Variants in C12orf75 observed in about 807,000 individuals in gnomAD.
The protein encoded by C12orf75 is overexpressed in colon carcinoma 1 protein.
C12orf75 carries 4 observed loss-of-function variants against 11.4 expected under a neutral mutation model. The observed-to-expected ratio is 0.35, with a 90% CI of 0.17 to 0.80. The LOEUF (loss-of-function observed/expected upper bound fraction) is 0.80. Among genes scored for constraint, C12orf75 ranks in the 30% least tolerant of loss-of-function variants. The pLI, the probability that C12orf75 is intolerant of heterozygous loss-of-function variation, is 0.52. For missense variants in C12orf75, 89 were observed against 80.4 expected (o/e 1.11, Z -0.41); for synonymous variants, 30 against 30.0 (o/e 1.00, Z 0.00).
intron 5 of C12orf75, among the ~76,000 whole-genome samples, chr12:105,367,814 T>C (rs956893450): frequency 6.6e-6 from 1 of 152,160 alleles, no homozygotes; most frequent in Non-Finnish European, 1.5e-5. Context: ...TTTGAGGGCC[T>C]AGGACTTGAG....
chr12:105,348,738 C>T, intron 2 of C12orf75, 112 bp downstream of exon 2: 3 of 650,114 alleles, frequency 4.6e-6, no homozygotes, highest in Non-Finnish European at 7.7e-6. Context: ...CATGGAAATA[C>T]TTTGTGTATA....
chr12:105,354,650 G>A (rs1025215461), intron 2 of C12orf75, among the ~76,000 whole-genome samples: 15 of 152,210 alleles, frequency 9.9e-5, no homozygotes, highest in Non-Finnish European at 2.1e-4. Context: ...CTTGATGGCA[G>A]AAGACCCAGC....
chr12:105,332,534 C>G (rs1293704966), intron 1 of C12orf75, among the ~76,000 whole-genome samples: 2 of 151,898 alleles, frequency 1.3e-5, no homozygotes, highest in Non-Finnish European at 2.9e-5. Flanking sequence ...GAACTCGAGA[C>G]CAGTGTAACC....
At chr12:105,366,395 A>G (rs1871473434) in intron 3 of C12orf75, 1 of 377,050 alleles carries the variant, frequency 2.7e-6, no homozygotes, top group South Asian at 1.0e-4. Flanking sequence ...ATATCTAAAA[A>G]TTCTACTAAC....
intron 1 of C12orf75, among the ~76,000 whole-genome samples, chr12:105,334,782 A>G (rs1271697256): frequency 6.6e-6 from 1 of 152,226 alleles, no homozygotes; most frequent in Non-Finnish European, 1.5e-5. Context: ...CAGAGAAATG[A>G]CCAACCTTGC....
At chr12:105,363,285 T>C (rs1316263073) in intron 2 of C12orf75, among the ~76,000 whole-genome samples, 2 of 152,258 alleles carry the variant, frequency 1.3e-5, no homozygotes, top group Non-Finnish European at 2.9e-5. Context: ...GAGAGACTCA[T>C]GAATGACACC....
intron 1 of C12orf75, among the ~76,000 whole-genome samples, chr12:105,348,158 T>C (rs1892660909): frequency 6.6e-6 from 1 of 152,204 alleles, no homozygotes; most frequent in Non-Finnish European, 1.5e-5. Flanking sequence ...CTCATGCCTG[T>C]AATCCTAGCA....
intron 2 of C12orf75, among the ~76,000 whole-genome samples, chr12:105,363,453 C>T (rs770971259): frequency 6.6e-6 from 1 of 152,124 alleles, no homozygotes; most frequent in Non-Finnish European, 1.5e-5. Context: ...TCTGGCCGGG[C>T]GGGGTGGCTC....
At chr12:105,342,888 G>A (rs2136142790) in intron 1 of C12orf75, among the ~76,000 whole-genome samples, 1 of 152,290 alleles carries the variant, frequency 6.6e-6, no homozygotes, top group East Asian at 1.9e-4. Context: ...GATTTGCTAT[G>A]CATTTTTAAT....
chr12:105,332,404 G>A (rs576310684), intron 1 of C12orf75, among the ~76,000 whole-genome samples: 1 of 152,248 alleles, frequency 6.6e-6, no homozygotes, highest in South Asian at 2.1e-4. Context: ...TCAGTTTTAG[G>A]GATGGGGAGG....
At position 105,371,466 on chromosome 12, in the gene C12orf75, T is replaced by C. The variant is rs1871625863; in HGVS notation, c.*866T>C. The C allele has an allele frequency of 1.3e-5, 2 of 152,230 alleles. No individual in the cohort carries two copies. Among genetic ancestry groups the C allele is most frequent in the South Asian group, 4.1e-4 (2 of 4,828 alleles). The allele number at this position is 152,230 out of a possible 1,614,324, so 9.4% of individuals were successfully genotyped here. On this transcript the variant is annotated 3_prime_UTR_variant, in exon 6 of 6. Transcript: ENST00000443585. The stretch of plus-strand genomic sequence containing the variant: ...TATCTACTTAGTATTGCAATGTAAG[T>C]TACTCAATTCACCAATGTATTTCAA...
chr12:105,339,440 G>GGT (rs1296443873), intron 1 of C12orf75, among the ~76,000 whole-genome samples: 12 of 142,418 alleles, frequency 8.4e-5, no homozygotes, highest in South Asian at 6.8e-4. Context: ...TTTTATTTCG[G>GGT]GTGTGTGTGT....
intron 1 of C12orf75, among the ~76,000 whole-genome samples, chr12:105,338,547 C>G (rs1422603046): frequency 2.0e-5 from 3 of 152,148 alleles, no homozygotes; most frequent in Admixed American, 2.0e-4. Flanking sequence ...AAAGGAATAC[C>G]TGAGACGGGG....
intron 1 of C12orf75, among the ~76,000 whole-genome samples, chr12:105,334,858 T>A (rs920024326): frequency 1.3e-5 from 2 of 152,254 alleles, no homozygotes; most frequent in Non-Finnish European, 2.9e-5. Context: ...ATATAGACTA[T>A]GAAGCAAGTC....
At chr12:105,338,894 C>T (rs765808098) in intron 1 of C12orf75, among the ~76,000 whole-genome samples, 1 of 152,160 alleles carries the variant, frequency 6.6e-6, no homozygotes, top group Non-Finnish European at 1.5e-5. Context: ...AGGGGACAAA[C>T]AAACCAAACT....
chr12:105,370,077 A>T (rs1871584831), intron 5 of C12orf75, among the ~76,000 whole-genome samples: 1 of 152,226 alleles, frequency 6.6e-6, no homozygotes, highest in Non-Finnish European at 1.5e-5. Flanking sequence ...TGATTTCAGA[A>T]TCCCTTAAAA....
chr12:105,370,594 T>C (rs1440456370), intron 5 of C12orf75, 40 bp from the exon 6 acceptor site: 2 of 457,644 alleles, frequency 4.4e-6, no homozygotes, highest in Non-Finnish European at 4.4e-6. Flanking sequence ...AAGTTGTACC[T>C]GTTTGCTCAC....
At chr12:105,352,364 A>G (rs553515684) in intron 2 of C12orf75, among the ~76,000 whole-genome samples, 3 of 152,284 alleles carry the variant, frequency 2.0e-5, no homozygotes, top group African/African-American at 7.2e-5. Flanking sequence ...GTTTGGCGGT[A>G]AGGAATGGAG....
intron 5 of C12orf75, among the ~76,000 whole-genome samples, chr12:105,370,033 T>C (rs571206521): frequency 6.6e-6 from 1 of 152,374 alleles, no homozygotes; most frequent in East Asian, 1.9e-4. Context: ...TCAAAGTTGA[T>C]TTGGTTTGGT....
Sources: gnomAD v4.1 joint callset for allele counts (sites outside exome capture counted in the v4.1 genomes callset) on GRCh38, gnomAD v4.1.1 for gene constraint, MANE v1.5 for transcripts, NCBI Gene and HGNC (gene_info 2026-07-23, HGNC 2026-07-21) for gene names.